Variants in SLC47A1 observed in about 807,000 individuals in gnomAD.
SLC47A1 encodes the protein multidrug and toxin extrusion protein 1.
SLC47A1 carries 58 observed loss-of-function variants against 65.8 expected under a neutral mutation model. The ratio of observed to expected loss-of-function variants is 0.88; its 90% CI spans 0.71 to 1.10. SLC47A1 has a LOEUF of 1.10. Ranked by LOEUF, SLC47A1 falls within the 50% of genes least tolerant of loss-of-function variation. The pLI, the probability that SLC47A1 is intolerant of heterozygous loss-of-function variation, is 0.00. For missense variants in SLC47A1, 706 were observed against 719.2 expected (o/e 0.98, Z 0.21); for synonymous variants, 285 against 295.0 (o/e 0.97, Z 0.35).
At chr17:19,554,613 C>G (rs1007143382) in intron 6 of SLC47A1, among the ~76,000 whole-genome samples, 3 of 152,136 alleles carry the variant, frequency 2.0e-5, no homozygotes, top group African/African-American at 7.2e-5. Context: ...CTGACTTTAT[C>G]TGCGTCTGCT....
rs371988520 is a variant in SLC47A1 at position 19,577,472 on chromosome 17, G to A, written c.1632G>A (p.Leu544=). 3.3e-5 allele frequency: 53 copies of A among 1,614,084 alleles called. No individual in the cohort carries two copies. In the African/African-American group the frequency reaches 6.7e-4, roughly 20 times the overall value. ...AATTGTCCAGGAAACAGCTGGTGCTGCGGCGAGGGCTTCTGCTCCTGGGGG... is the reference window on the plus strand; with the variant it reads ...AATTGTCCAGGAAACAGCTGGTGCTACGGCGAGGGCTTCTGCTCCTGGGGG... The part of the protein sequence containing the change: ...GAKLSRKQLV[L]RRGLLLLGVF... Residue 544 remains leucine (L), a synonymous_variant, in exon 17 of 17, where the codon CTG becomes CTA. Coordinates refer to ENST00000270570, the MANE Select transcript of SLC47A1 (RefSeq NM_018242.3).
intron 1 of SLC47A1, among the ~76,000 whole-genome samples, chr17:19,540,206 T>C (rs1437329854): frequency 6.6e-6 from 1 of 152,006 alleles, no homozygotes; most frequent in Non-Finnish European, 1.5e-5. Flanking sequence ...TTTGTGATGG[T>C]AAGATCTGGG....
chr17:19,552,288 C>G lies in SLC47A1; in HGVS notation c.543+820C>G, dbSNP rs182671223. Among the ~76,000 whole-genome samples the G allele has an allele frequency of 5.0e-3, 761 of 152,320 alleles. 1 individual carries two copies. Among genetic ancestry groups the G allele is most frequent in the Non-Finnish European group, 7.8e-3 (533 of 68,032 alleles). Reference sequence around the variant, plus strand: ...AAACTTCTGGCCTCAAGCAATCCTCCTGCCTCAGTCTCCAAAAGTGCTGGA... The same window carrying G: ...AAACTTCTGGCCTCAAGCAATCCTCGTGCCTCAGTCTCCAAAAGTGCTGGA... On this transcript the variant is annotated intron_variant, in intron 6 of 16. Transcript: ENST00000270570.
intron 1 of SLC47A1, chr17:19,534,414 C>A (rs1026699796): frequency 4.9e-5 from 12 of 246,744 alleles, no homozygotes; most frequent in Non-Finnish European, 8.5e-5. Flanking sequence ...CGGGGCTCTA[C>A]CAGGTCCAGG....
At chr17:19,546,555 G>A in intron 3 of SLC47A1, 52 bp downstream of exon 3, 1 of 1,570,300 alleles carries the variant, frequency 6.4e-7, no homozygotes, top group Non-Finnish European at 8.7e-7. Flanking sequence ...CTTTTCTCAA[G>A]TGTAGATGGA....
intron 10 of SLC47A1, among the ~76,000 whole-genome samples, chr17:19,558,268 C>T (rs370803187): frequency 5.9e-5 from 9 of 152,076 alleles, no homozygotes; most frequent in East Asian, 1.9e-4. Flanking sequence ...GAACATAGGC[C>T]GTTATCTGTA....
At chr17:19,563,381 C>T (rs2084330212) in intron 12 of SLC47A1, among the ~76,000 whole-genome samples, 3 of 151,902 alleles carry the variant, frequency 2.0e-5, no homozygotes, top group South Asian at 4.2e-4. Context: ...ATCCGCCCGC[C>T]TCGGCCTCCC....
At chr17:19,545,594 G>A (rs1183523493) in intron 2 of SLC47A1, among the ~76,000 whole-genome samples, 1 of 152,036 alleles carries the variant, frequency 6.6e-6, no homozygotes, top group East Asian at 1.9e-4. Context: ...GGGATCAAGT[G>A]ATCGTCCCAC....
chr17:19,577,402 T>C lies in SLC47A1; in HGVS notation c.1562T>C (p.Met521Thr), dbSNP rs1473085226. Residue 521 changes from methionine (M) to threonine (T), a missense_variant, in exon 17 of 17, where the codon ATG becomes ACG. Physicochemically the swap from Met to Thr is moderately conservative, Grantham distance 81. Transcript: ENST00000270570. ...KTGEPQSDQQ[M>T]RQEEPLPEHP... ...GGCGAGCCTCAGTCAGATCAGCAGA[T>C]GCGCCAAGAAGAACCTTTGCCGGAA... The C allele has an allele frequency of 6.2e-7, 1 of 1,614,200 alleles. No homozygotes were observed. The highest frequency in any genetic ancestry group is 1.1e-5 in the South Asian group (1 of 91,088).
chr17:19,547,716 CTTTTTTTTTT>C (rs1180263887), intron 3 of SLC47A1, among the ~76,000 whole-genome samples: 1 of 68,588 alleles, frequency 1.5e-5, no homozygotes, highest in Non-Finnish European at 2.6e-5. Flanking sequence ...CCATGGGCTT[CTTTTTTTTTT>C]TTTTTTTTTT....
In SLC47A1 at chr17:19,578,585, G is replaced by C. The variant is rs1054511709; in HGVS notation, c.*1032G>C. On this transcript the variant is annotated 3_prime_UTR_variant, in exon 17 of 17. Coordinates refer to ENST00000270570, the MANE Select transcript of SLC47A1 (RefSeq NM_018242.3). Reference sequence around the variant, plus strand: ...GGGTGCGGTACACACCGTTAATTCAGCAACCCTCAGTACATACTAAGTATG... The same window carrying C: ...GGGTGCGGTACACACCGTTAATTCACCAACCCTCAGTACATACTAAGTATG... The C allele has an allele frequency of 6.5e-6, 1 of 155,002 alleles. No homozygotes were observed. The allele number at this position is 155,002 out of a possible 1,614,324, so 9.6% of individuals were successfully genotyped here.
chr17:19,551,782 G>A (rs919863108), intron 6 of SLC47A1, among the ~76,000 whole-genome samples: 4 of 152,212 alleles, frequency 2.6e-5, no homozygotes, highest in South Asian at 2.1e-4. Flanking sequence ...TTTAACCAGC[G>A]TCCTGGAAAG....
intron 1 of SLC47A1, among the ~76,000 whole-genome samples, chr17:19,540,327 C>T (rs1023679825): frequency 2.3e-4 from 35 of 152,232 alleles, no homozygotes; most frequent in African/African-American, 7.9e-4. Flanking sequence ...GGAGTGTAAA[C>T]GTGATGTTCC....
At chr17:19,549,699 G>T in intron 5 of SLC47A1, 22 bp downstream of exon 5, 1 of 1,613,986 alleles carries the variant, frequency 6.2e-7, no homozygotes, top group Non-Finnish European at 8.5e-7. Context: ...AGGGCTAAGA[G>T]ATTCCCTTCT....
In SLC47A1 at chr17:19,551,407, C is replaced by T. The variant is rs773638732; in HGVS notation, c.499-17C>T. ...AAGGCTGAAACATTAACATTCATCT[C>T]TCTTGTTCTCTTGTAGGCAACCTTT... On this transcript the variant is annotated splice_polypyrimidine_tract_variant and intron_variant, in intron 5 of 16. Transcript: ENST00000270570. The T allele has an allele frequency of 1.3e-6, 2 of 1,593,686 alleles. No individual in the cohort carries two copies. The highest frequency in any genetic ancestry group is 2.2e-5 in the South Asian group (2 of 90,652).
intron 14 of SLC47A1, among the ~76,000 whole-genome samples, chr17:19,568,811 T>C: frequency 6.6e-6 from 1 of 152,058 alleles, no homozygotes; most frequent in African/African-American, 2.4e-5. Context: ...CTCCCCTCCT[T>C]GCCACCAGTC....
chr17:19,578,077 G>A lies in SLC47A1; in HGVS notation c.*524G>A, dbSNP rs1433100955. ...AGCTCACTGCAGCCTCGAACTCTTG[G>A]GCTTCAAGCAATCCTCCTGTGTCAG... On this transcript the variant is annotated 3_prime_UTR_variant, in exon 17 of 17. Transcript: ENST00000270570. The A allele has an allele frequency of 2.5e-6, 2 of 809,230 alleles. No individual in the cohort carries two copies. Among genetic ancestry groups the A allele is most frequent in the East Asian group, 1.3e-4 (2 of 15,872 alleles). The allele number at this position is 809,230 out of a possible 1,614,324, so 50.1% of individuals were successfully genotyped here.
chr17:19,567,147 A>T lies in SLC47A1; in HGVS notation c.1228A>T (p.Ile410Phe). Residue 410 changes from isoleucine (I) to phenylalanine (F), a missense_variant, in exon 14 of 17, where the codon ATT becomes TTT. Ile to Phe is a conservative substitution (Grantham distance 21). Coordinates refer to ENST00000270570, the MANE Select transcript of SLC47A1 (RefSeq NM_018242.3). ...GAGTGGAAATCAGAAGGTTGGAGCCATTGTGAATACCATTGGGTACTATGT... is the reference window on the plus strand; with the variant it reads ...GAGTGGAAATCAGAAGGTTGGAGCCTTTGTGAATACCATTGGGTACTATGT... ...RGSGNQKVGAIVNTIGYYVVG... is the reference protein window; with the variant it reads ...RGSGNQKVGAFVNTIGYYVVG... 6.2e-7 allele frequency: 1 copy of T among 1,614,212 alleles called. No homozygotes were observed. The highest frequency in any genetic ancestry group is 8.5e-7 in the Non-Finnish European group (1 of 1,180,032).
rs1407621937 is a variant in SLC47A1, at chr17:19,543,202, T to TG, written c.237+711dup. The stretch of plus-strand genomic sequence containing the variant: ...TCGGCTCACTGCAACCTCCGATTCC[T>TG]GGGTTCAAGCAATTCTCCTGTCTCA... On this transcript the variant is annotated intron_variant, in intron 2 of 16. Coordinates refer to ENST00000270570, the MANE Select transcript of SLC47A1 (RefSeq NM_018242.3). Among the ~76,000 whole-genome samples the TG allele has an allele frequency of 2.6e-5, 4 of 151,146 alleles. No individual in the cohort carries two copies. The East Asian group carries it at 7.8e-4, about 30-fold the overall frequency.
Sources: allele counts gnomAD v4.1 joint callset (sites outside exome capture counted in the v4.1 genomes callset), GRCh38; gene constraint gnomAD v4.1.1; transcripts MANE v1.5; gene names NCBI Gene and HGNC (gene_info 2026-07-23, HGNC 2026-07-21).